The following CANX variants were observed in gnomAD, a reference collection of about 807,000 sequenced individuals.
CANX encodes the protein calnexin, also known as epididymis secretory sperm binding protein.
Under a neutral mutation model 75.7 loss-of-function variants are expected in CANX, and 14 were observed. The observed-to-expected ratio is 0.19, with a 90% CI of 0.12 to 0.29. The LOEUF (loss-of-function observed/expected upper bound fraction) is 0.29, where lower values mean the gene tolerates loss of function less well. CANX is among the 10% of genes least tolerant of loss of function. The probability of loss-of-function intolerance (pLI) is 1.00; values close to 1 mark genes in which losing one functional copy is unlikely to be tolerated. For missense variants in CANX, 567 were observed against 713.2 expected (o/e 0.79, Z 2.34); for synonymous variants, 227 against 236.9 (o/e 0.96, Z 0.38).
chr5:179,680,956 G>T (rs1776048071), intron 1 of CANX: 3 of 1,511,630 alleles, frequency 2.0e-6, no homozygotes, highest in African/African-American at 2.8e-5. Context: ...CTCGGAGGAT[G>T]TTTCCCCGTT....
Position 179,728,646 on chromosome 5 carries a change from A to G in CANX, c.*2A>G, listed in dbSNP as rs1778819644. On this transcript the variant is annotated 3_prime_UTR_variant, in exon 15 of 15. Transcript: ENST00000247461. ...AACAGAAAGCCACGAAGAGAGTGAA[A>G]CAATCTTAAGAGCTTGATCTGTGAT... 6.2e-7 allele frequency: 1 copy of G among 1,605,614 alleles called. No homozygotes were observed. Among genetic ancestry groups the G allele is most frequent in the Non-Finnish European group, 8.5e-7 (1 of 1,172,390 alleles).
intron 8 of CANX, among the ~76,000 whole-genome samples, chr5:179,719,195 C>G (rs922044462): frequency 1.4e-4 from 21 of 152,306 alleles, no homozygotes; most frequent in African/African-American, 4.8e-4. Context: ...AAACTGTTTT[C>G]CAAATGAGCA....
chr5:179,728,663 A>G lies in CANX; in HGVS notation c.*19A>G. The stretch of plus-strand genomic sequence containing the variant: ...AGAGTGAAACAATCTTAAGAGCTTG[A>G]TCTGTGATTTCTTCTCCCTCCTCCC... On this transcript the variant is annotated 3_prime_UTR_variant, in exon 15 of 15. Transcript: ENST00000247461. 1 of 1,586,690 alleles carries G rather than the reference A, an allele frequency of 6.3e-7. No individual in the cohort carries two copies. Among genetic ancestry groups the G allele is most frequent in the Non-Finnish European group, 8.7e-7 (1 of 1,155,316 alleles).
At chr5:179,709,659 G>A in intron 6 of CANX, 2 of 416,958 alleles carry the variant, frequency 4.8e-6, no homozygotes, top group Non-Finnish European at 8.5e-6. Context: ...CTAGATGTGT[G>A]CATTACTTTT....
At chr5:179,684,384 G>A (rs1456769238) in intron 1 of CANX, among the ~76,000 whole-genome samples, 2 of 147,936 alleles carry the variant, frequency 1.4e-5, no homozygotes, top group Admixed American at 1.4e-4. Context: ...GGCCCAGCTA[G>A]TAAGCCTTTT....
chr5:179,679,081 C>T, intron 1 of CANX: 1 of 1,535,680 alleles, frequency 6.5e-7, no homozygotes, highest in South Asian at 1.2e-5. Flanking sequence ...CCCAAAACTG[C>T]TGCAGCGTCT....
chr5:179,715,049 G>C (rs1263845755), intron 7 of CANX, among the ~76,000 whole-genome samples: 1 of 152,206 alleles, frequency 6.6e-6, no homozygotes, highest in Non-Finnish European at 1.5e-5. Flanking sequence ...ACAGGCATGA[G>C]CCACCACACC....
intron 11 of CANX, 104 bp downstream of exon 11, chr5:179,723,123 TA>T (rs1190315800): frequency 1.1e-6 from 1 of 944,898 alleles, no homozygotes; most frequent in African/African-American, 1.6e-5. Context: ...AATATTGGCA[TA>T]AAAAGTATAA....
In CANX at chr5:179,710,076, G is replaced by A. The variant is rs202146081; in HGVS notation, c.721+11G>A. ...ATCTTTACACACTAAGTAAGAAAAA[G>A]CATTAGTTTGGGGGCTTATGGTATT... is the stretch of plus-strand genomic sequence containing the variant. On this transcript the variant is annotated intron_variant, in intron 7 of 14. Coordinates refer to ENST00000247461, the MANE Select transcript of CANX (RefSeq NM_001746.4). 1.9e-4 allele frequency: 277 copies of A among 1,493,294 alleles called. 1 individual carries two copies. In the African/African-American group the frequency reaches 3.4e-3, roughly 18 times the overall value. The allele number at this position is 1,493,294 out of a possible 1,614,324, so 92.5% of individuals were successfully genotyped here. A position where few individuals can be genotyped will look rare whatever the true frequency, so the allele number is the denominator to read the frequency against.
chr5:179,715,558 T>A (rs889869308), intron 7 of CANX, among the ~76,000 whole-genome samples: 5 of 152,276 alleles, frequency 3.3e-5, no homozygotes, highest in South Asian at 2.1e-4. Context: ...AATAAAATTT[T>A]AAAAAATGCT....
At chr5:179,683,266 T>C (rs1776114709) in intron 1 of CANX, among the ~76,000 whole-genome samples, 1 of 151,924 alleles carries the variant, frequency 6.6e-6, no homozygotes, top group Non-Finnish European at 1.5e-5. Flanking sequence ...TAGCTGGGAC[T>C]ACAGGCACCC....
In CANX at chr5:179,679,089, T is replaced by C. The variant is rs1276183189; in HGVS notation, c.-4+312T>C. On this transcript the variant is annotated intron_variant, in intron 1 of 14. Coordinates refer to the CANX transcript ENST00000681674. Reference sequence around the variant, plus strand: ...TGATCGGCCCAAAACTGCTGCAGCGTCTGCCACAGGCGGCTGGCATGGCTC... The same window carrying C: ...TGATCGGCCCAAAACTGCTGCAGCGCCTGCCACAGGCGGCTGGCATGGCTC... The C allele has an allele frequency of 2.6e-6, 4 of 1,535,780 alleles. No homozygotes were observed. The East Asian group carries it at 9.8e-5, about 38-fold the overall frequency.
intron 7 of CANX, among the ~76,000 whole-genome samples, chr5:179,713,314 C>T (rs186986464): frequency 1.0e-3 from 153 of 152,230 alleles, no homozygotes; most frequent in African/African-American, 3.5e-3. Context: ...TCTGTTGATC[C>T]GCCCACCTCG....
intron 1 of CANX, among the ~76,000 whole-genome samples, chr5:179,684,390 C>CTTTTTT (rs559968980): frequency 7.4e-6 from 1 of 134,934 alleles, no homozygotes; most frequent in African/African-American, 2.7e-5. Context: ...GCTAGTAAGC[C>CTTTTTT]TTTTTTTTTT....
At chr5:179,678,994 C>G in intron 1 of CANX, 2 of 1,535,920 alleles carry the variant, frequency 1.3e-6, no homozygotes, top group African/African-American at 1.4e-5. Flanking sequence ...TGTGGTCCAG[C>G]AGGTAGAAGG....
intron 1 of CANX, among the ~76,000 whole-genome samples, chr5:179,680,678 AC>A (rs1350770752): frequency 5.9e-5 from 9 of 151,766 alleles, no homozygotes; most frequent in East Asian, 3.9e-4. Flanking sequence ...TTCTCTCTGC[AC>A]CCCCCACCCC....
chr5:179,725,011 GTCTC>G lies in CANX; in HGVS notation c.1645+242_1645+245del, dbSNP rs147076143. Among the ~76,000 whole-genome samples, 1,074 of 151,140 alleles carry G rather than the reference GTCTC, an allele frequency of 7.1e-3. 9 individuals are homozygous for G. The highest frequency in any genetic ancestry group is 0.024 in the African/African-American group (1,008 of 41,266). On this transcript the variant is annotated intron_variant, in intron 13 of 14. Coordinates refer to ENST00000247461, the MANE Select transcript of CANX (RefSeq NM_001746.4). ...CAGCTGAGCAACAGAGTGAGACCCT[GTCTC>G]TCTCTCTCTCTCTTTTTTATTTTTT...
At chr5:179,696,171 C>G (rs1443834636), upstream of CANX, among the ~76,000 whole-genome samples, 11 of 151,502 alleles carry the variant, frequency 7.3e-5, no homozygotes, top group Admixed American at 7.2e-4. Context: ...CACCCACCTT[C>G]GCCTCCCAAA....
intron 1 of CANX, among the ~76,000 whole-genome samples, chr5:179,682,970 C>T (rs905165743): frequency 2.0e-5 from 3 of 152,118 alleles, no homozygotes; most frequent in African/African-American, 4.8e-5. Flanking sequence ...AAGGAAATGA[C>T]GTCAGTCCTA....
Sources: allele counts gnomAD v4.1 joint callset (sites outside exome capture counted in the v4.1 genomes callset), GRCh38; gene constraint gnomAD v4.1.1; transcripts MANE v1.5; gene names NCBI Gene and HGNC (gene_info 2026-07-23, HGNC 2026-07-21).